Variants in CAPN7 observed in about 807,000 individuals in gnomAD.
CAPN7 encodes the protein calpain 7, also known as calpain-7.
A neutral mutation model predicts 115.2 loss-of-function variants in CAPN7; 72 were observed. That is an observed-to-expected ratio of 0.63 (90% confidence interval 0.52 to 0.76). The LOEUF is 0.76. CAPN7 is among the 30% of genes least tolerant of loss of function. CAPN7 has a pLI of 0.00. For synonymous variants in CAPN7, 344 were observed against 322.3 expected, an observed-to-expected ratio of 1.07 and a Z score of -0.72; for missense variants, 905 against 971.5, an observed-to-expected ratio of 0.93 and a Z score of 0.91.
At position 15,227,856 on chromosome 3, in the gene CAPN7, T is replaced by C. The variant is rs112673046; in HGVS notation, c.743T>C (p.Leu248Pro). 11 of 1,534,376 alleles carry C rather than the reference T, an allele frequency of 7.2e-6. No individual in the cohort carries two copies. Among genetic ancestry groups the C allele is most frequent in the African/African-American group, 4.2e-5 (3 of 71,214 alleles). The change falls in exon 7 of 21, where the codon CTA (leucine) becomes CCA (proline). Residue 248 changes from leucine (L) to proline (P), a missense_variant. By Grantham distance (98) the Leu-to-Pro change is moderately conservative. Coordinates refer to ENST00000253693, the MANE Select transcript of CAPN7 (RefSeq NM_014296.3). The stretch of plus-strand genomic sequence containing the variant: ...TACCTCAGTGATAGATGGGGCAAGC[T>C]ACCATTATCACCTAAACAAAAAACT... ...PMPFCDRWGK[L>P]PLSPKQKTTF...
rs1031707329 is a variant in CAPN7 at position 15,252,000 on chromosome 3, TTGTG to T, written c.*743_*746del. ...GATATTGAAGACATTACAATTTAGTTTGTGTGGTCTTTTTTTAAATTGCTGTATC... is the reference window on the plus strand; with the variant it reads ...GATATTGAAGACATTACAATTTAGTTTGGTCTTTTTTTAAATTGCTGTATC... On this transcript the variant is annotated 3_prime_UTR_variant, in exon 21 of 21. Transcript: ENST00000253693. The T allele has an allele frequency of 3.3e-5, 5 of 152,460 alleles. No homozygotes were observed. Among genetic ancestry groups the T allele is most frequent in the East Asian group, 1.9e-4 (1 of 5,202 alleles). The allele number at this position is 152,460 out of a possible 1,614,324, so 9.4% of individuals were successfully genotyped here. A position where few individuals can be genotyped will look rare whatever the true frequency, so the allele number is the denominator to read the frequency against.
chr3:15,223,607 T>C, intron 6 of CAPN7, 46 bp downstream of exon 6: 1 of 1,130,162 alleles, frequency 8.8e-7, no homozygotes, highest in Middle Eastern at 2.0e-4. Flanking sequence ...TTTTAACTTT[T>C]CAGTACTCTG....
chr3:15,216,913 A>G (rs1419793051), intron 2 of CAPN7, among the ~76,000 whole-genome samples: 1 of 151,830 alleles, frequency 6.6e-6, no homozygotes, highest in Non-Finnish European at 1.5e-5. Context: ...ATAATTGCAG[A>G]TTTTTTTTCT....
At chr3:15,231,922 C>T (rs1297728324) in intron 9 of CAPN7, among the ~76,000 whole-genome samples, 1 of 152,154 alleles carries the variant, frequency 6.6e-6, no homozygotes, top group Non-Finnish European at 1.5e-5. Context: ...ACTCTTACAA[C>T]TATACATGAG....
intron 5 of CAPN7, among the ~76,000 whole-genome samples, chr3:15,222,693 C>G (rs1158019111): frequency 6.6e-6 from 1 of 152,212 alleles, no homozygotes; most frequent in Admixed American, 6.5e-5. Flanking sequence ...GTTTGAAATT[C>G]TGTACTACAC....
At position 15,212,494 on chromosome 3, in the gene CAPN7, T is replaced by G. The variant is rs569202272; in HGVS notation, c.211+282T>G. On this transcript the variant is annotated intron_variant, in intron 2 of 20. Coordinates refer to ENST00000253693, the MANE Select transcript of CAPN7 (RefSeq NM_014296.3). ...TCAAACAATTTATCATTGGCAAAGT[T>G]AGGATTAGGATTCAGTTAAAGTCTG... Among the ~76,000 whole-genome samples, 6 of 152,256 alleles carry G rather than the reference T, an allele frequency of 3.9e-5. No homozygotes were observed. The South Asian group carries it at 1.2e-3, about 32-fold the overall frequency.
intron 2 of CAPN7, among the ~76,000 whole-genome samples, chr3:15,215,446 G>C (rs991033787): frequency 6.6e-6 from 1 of 152,104 alleles, no homozygotes; most frequent in Admixed American, 6.5e-5. Context: ...TCTAATTTTA[G>C]AAAGTTTTCA....
intron 9 of CAPN7, chr3:15,232,079 T>G (rs1694725681): frequency 2.9e-6 from 1 of 346,378 alleles, no homozygotes; most frequent in Non-Finnish European, 5.6e-6. Flanking sequence ...GTTTTGGATT[T>G]TGGATTTTAA....
chr3:15,210,042 C>G (rs966895011), intron 1 of CAPN7, among the ~76,000 whole-genome samples: 4 of 152,060 alleles, frequency 2.6e-5, no homozygotes, highest in African/African-American at 7.2e-5. Flanking sequence ...ATTCTGTCAC[C>G]CAGGCTGGCG....
chr3:15,234,892 T>G, intron 11 of CAPN7, 133 bp from the exon 12 acceptor site: 1 of 595,158 alleles, frequency 1.7e-6, no homozygotes, highest in Non-Finnish European at 2.8e-6. Context: ...AGAAATGTAC[T>G]TCTTTTTGAA....
At chr3:15,242,822 GAT>G (rs1695429912) in intron 16 of CAPN7, among the ~76,000 whole-genome samples, 1 of 152,160 alleles carries the variant, frequency 6.6e-6, no homozygotes, top group Non-Finnish European at 1.5e-5. Flanking sequence ...GGGCACCTGA[GAT>G]ATTTAACACA....
intron 19 of CAPN7, among the ~76,000 whole-genome samples, chr3:15,247,839 T>G (rs142573160): frequency 2.6e-5 from 4 of 152,252 alleles, no homozygotes; most frequent in African/African-American, 9.6e-5. Flanking sequence ...AAATCTGCAG[T>G]TTTTAAAAAA....
At chr3:15,245,105 A>G (rs1243876906) in intron 16 of CAPN7, among the ~76,000 whole-genome samples, 2 of 145,972 alleles carry the variant, frequency 1.4e-5, no homozygotes, top group East Asian at 3.9e-4. Flanking sequence ...AAAAGGCTAG[A>G]ATGACCAAAA....
At chr3:15,220,738 G>A (rs1444871926) in intron 4 of CAPN7, 43 bp from the exon 5 acceptor site, 1 of 1,576,048 alleles carries the variant, frequency 6.3e-7, no homozygotes, top group Non-Finnish European at 8.7e-7. Flanking sequence ...GCTTAAATGT[G>A]AGTAGAAAAA....
At chr3:15,239,263 G>A (rs982091862) in intron 12 of CAPN7, among the ~76,000 whole-genome samples, 2 of 152,148 alleles carry the variant, frequency 1.3e-5, no homozygotes, top group African/African-American at 4.8e-5. Flanking sequence ...AAAGGAATGT[G>A]TTGTTGTGGT....
intron 16 of CAPN7, among the ~76,000 whole-genome samples, chr3:15,244,389 AATTTT>A (rs1211099671): frequency 6.6e-5 from 10 of 152,270 alleles, no homozygotes; most frequent in South Asian, 2.1e-4. Flanking sequence ...TCATGTTTAT[AATTTT>A]ATTTTAATTA....
chr3:15,235,706 C>G (rs898621333), intron 12 of CAPN7, among the ~76,000 whole-genome samples: 1 of 152,178 alleles, frequency 6.6e-6, no homozygotes, highest in Non-Finnish European at 1.5e-5. Context: ...CACCACTGAT[C>G]TGACAGGGGG....
In CAPN7 at chr3:15,218,333, A is replaced by G. The variant is rs528382584; in HGVS notation, c.370-140A>G. On this transcript the variant is annotated intron_variant, in intron 3 of 20. Coordinates refer to ENST00000253693, the MANE Select transcript of CAPN7 (RefSeq NM_014296.3). ...ACTATTTTAAATGATACCTTTAAGG[A>G]TGAGAATTAATGTCATCTTTGTTTG... 110 of 639,458 alleles carry G rather than the reference A, an allele frequency of 1.7e-4. 1 individual carries two copies. The South Asian group carries it at 2.0e-3, about 12-fold the overall frequency. 39.6% of individuals were successfully genotyped at this position (639,458 alleles called of 1,614,324 possible). A position where few individuals can be genotyped will look rare whatever the true frequency, so the allele number is the denominator to read the frequency against.
rs775257868 is a variant in CAPN7 at position 15,245,659 on chromosome 3, T to TA, written c.1998_1999insA (p.Tyr667IlefsTer27). On this transcript the variant is annotated frameshift_variant, in exon 17 of 21. Transcript: ENST00000253693. LOFTEE classifies it high-confidence loss of function. ...AATATGAAAAACAGAACACAATCCA[T>TA]TACACGGTTCGGGTAAGTAAAACCA... is the stretch of plus-strand genomic sequence containing the variant. The TA allele has an allele frequency of 6.2e-7, 1 of 1,613,390 alleles. No individual in the cohort carries two copies. The highest frequency in any genetic ancestry group is 8.5e-7 in the Non-Finnish European group (1 of 1,179,712).
Sources: gnomAD v4.1 joint callset for allele counts (sites outside exome capture counted in the v4.1 genomes callset) on GRCh38, gnomAD v4.1.1 for gene constraint, MANE v1.5 for transcripts, NCBI Gene and HGNC (gene_info 2026-07-23, HGNC 2026-07-21) for gene names.